The following NREP variants were observed in gnomAD, a reference collection of about 807,000 sequenced individuals.
The protein encoded by NREP is neuronal regeneration-related protein.
NREP carries 5 observed loss-of-function variants against 8.6 expected under a neutral mutation model. That is an observed-to-expected ratio of 0.58 (90% CI 0.30 to 1.22). The LOEUF is 1.22. Ranked by LOEUF, NREP falls within the 50% of genes most tolerant of loss-of-function variation. The pLI is 0.07. For missense variants in NREP, 86 were observed against 82.5 expected, an observed-to-expected ratio of 1.04 and a Z score of -0.17; for synonymous variants, 27 against 28.0, an observed-to-expected ratio of 0.96 and a Z score of 0.11.
chr5:111,816,711 GAAGAA>G (rs1039251098), intron 2 of NREP, among the ~76,000 whole-genome samples: 5 of 146,424 alleles, frequency 3.4e-5, no homozygotes, highest in South Asian at 2.2e-4. Context: ...TCATCCAAAA[GAAGAA>G]AAGAAAAAAA....
chr5:111,870,302 A>G (rs1199160315), intron 2 of NREP, among the ~76,000 whole-genome samples: 1 of 152,070 alleles, frequency 6.6e-6, no homozygotes, highest in Non-Finnish European at 1.5e-5. Flanking sequence ...GGTGGCACAC[A>G]CCTGTAGTCC....
At chr5:111,970,518 A>G (rs1403269501) in intron 2 of NREP, among the ~76,000 whole-genome samples, 2 of 152,048 alleles carry the variant, frequency 1.3e-5, no homozygotes, top group Non-Finnish European at 2.9e-5. Flanking sequence ...TCCTTGAAGC[A>G]CTAGATATGG....
At chr5:111,783,701 C>T (rs1035518047) in intron 2 of NREP, among the ~76,000 whole-genome samples, 6 of 152,152 alleles carry the variant, frequency 3.9e-5, no homozygotes, top group South Asian at 2.1e-4. Context: ...CGTCTACTAA[C>T]GTAATCATGT....
intron 2 of NREP, among the ~76,000 whole-genome samples, chr5:111,919,329 T>A (rs754605578): frequency 6.6e-6 from 1 of 152,122 alleles, no homozygotes; most frequent in Admixed American, 6.6e-5. Context: ...TCCTCAAGGA[T>A]CTAGAACCAG....
chr5:111,762,356 T>C (rs1750978892), upstream of NREP, among the ~76,000 whole-genome samples: 1 of 152,162 alleles, frequency 6.6e-6, no homozygotes, highest in South Asian at 2.1e-4. Context: ...ACATATTCAA[T>C]GATGTTCCAG....
intron 2 of NREP, among the ~76,000 whole-genome samples, chr5:111,800,085 C>CTTT (rs750853784): frequency 7.8e-5 from 11 of 141,152 alleles, no homozygotes; most frequent in South Asian, 4.6e-4. Flanking sequence ...ACGCCAACTA[C>CTTT]TTTTTTTTTT....
At chr5:111,851,686 A>G (rs982829859) in intron 2 of NREP, among the ~76,000 whole-genome samples, 6 of 152,094 alleles carry the variant, frequency 3.9e-5, no homozygotes, top group African/African-American at 1.4e-4. Flanking sequence ...TTTCCCTTAG[A>G]AAGAATAAGC....
At chr5:111,750,079 T>C (rs1301233724) in intron 2 of NREP, among the ~76,000 whole-genome samples, 1 of 152,168 alleles carries the variant, frequency 6.6e-6, no homozygotes, top group Non-Finnish European at 1.5e-5. Flanking sequence ...TCCTATTGCT[T>C]AGCACATCAA....
intron 2 of NREP, among the ~76,000 whole-genome samples, chr5:111,877,276 A>G (rs1281222956): frequency 6.6e-6 from 1 of 152,146 alleles, no homozygotes; most frequent in Non-Finnish European, 1.5e-5. Flanking sequence ...AATAAACTCC[A>G]TCCATGATTG....
At chr5:111,737,867 T>C (rs1360931162) in intron 2 of NREP, among the ~76,000 whole-genome samples, 2 of 152,170 alleles carry the variant, frequency 1.3e-5, no homozygotes, top group South Asian at 2.1e-4. Flanking sequence ...GGCTTTTTTT[T>C]TCACTATTAG....
At chr5:111,792,843 A>C (rs1751782379) in intron 2 of NREP, among the ~76,000 whole-genome samples, 2 of 152,248 alleles carry the variant, frequency 1.3e-5, no homozygotes, top group South Asian at 4.1e-4. Context: ...GTCATTTAAA[A>C]TGTGGCTGGC....
At chr5:111,937,196 A>C (rs1005025470) in intron 2 of NREP, among the ~76,000 whole-genome samples, 2 of 152,124 alleles carry the variant, frequency 1.3e-5, no homozygotes, top group African/African-American at 4.8e-5. Context: ...TGAGGTTTTC[A>C]GTTTTAAATG....
At chr5:111,837,219 G>A (rs1581154359) in intron 2 of NREP, among the ~76,000 whole-genome samples, 1 of 152,014 alleles carries the variant, frequency 6.6e-6, no homozygotes, top group African/African-American at 2.4e-5. Flanking sequence ...TCAAGAACCA[G>A]AGCTTCTTAG....
intron 2 of NREP, among the ~76,000 whole-genome samples, chr5:111,901,583 A>G (rs1169577879): frequency 6.6e-6 from 1 of 152,002 alleles, no homozygotes; most frequent in Admixed American, 6.6e-5. Context: ...CGACCCCAAA[A>G]CTCTTAGAAC....
At chr5:111,910,488 A>T (rs1449575234) in intron 2 of NREP, among the ~76,000 whole-genome samples, 2 of 152,122 alleles carry the variant, frequency 1.3e-5, no homozygotes, top group Non-Finnish European at 2.9e-5. Flanking sequence ...GGAATAACTT[A>T]GAAAGACCCA....
At chr5:111,960,228 T>C (rs763400664) in intron 2 of NREP, among the ~76,000 whole-genome samples, 15 of 152,192 alleles carry the variant, frequency 9.9e-5, no homozygotes, top group South Asian at 2.1e-4. Context: ...GCATCTTCAA[T>C]TGTTTTTCTG....
intron 2 of NREP, among the ~76,000 whole-genome samples, chr5:111,902,747 T>C (rs1754676017): frequency 6.6e-6 from 1 of 152,114 alleles, no homozygotes; most frequent in Non-Finnish European, 1.5e-5. Context: ...AGAGTCCTCT[T>C]CCACCATGAC....
At chr5:111,887,546 T>C in intron 2 of NREP, among the ~76,000 whole-genome samples, 1 of 152,196 alleles carries the variant, frequency 6.6e-6, no homozygotes, top group South Asian at 2.1e-4. Context: ...ATGGGACAGA[T>C]GCCTTGCACA....
chr5:111,907,444 T>A (rs2112557779), intron 2 of NREP, among the ~76,000 whole-genome samples: 1 of 152,150 alleles, frequency 6.6e-6, no homozygotes, highest in East Asian at 1.9e-4. Context: ...AAACTATCCT[T>A]TCTCCATTGA....
Sources: gnomAD v4.1 joint callset for allele counts (sites outside exome capture counted in the v4.1 genomes callset) on GRCh38, gnomAD v4.1.1 for gene constraint, MANE v1.5 for transcripts, NCBI Gene and HGNC (gene_info 2026-07-23, HGNC 2026-07-21) for gene names.